Variants in CDH4 observed in about 807,000 individuals in gnomAD.
CDH4 encodes cadherin 4, also known as cadherin-4.
A neutral mutation model predicts 86.0 loss-of-function variants in CDH4; 33 were observed. That is an observed-to-expected ratio of 0.38 (90% confidence interval 0.29 to 0.51). CDH4 has a LOEUF of 0.51. CDH4 is among the 20% of genes least tolerant of loss of function. The probability of loss-of-function intolerance (pLI) is 0.86; values close to 1 mark genes in which losing one functional copy is unlikely to be tolerated. For missense variants in CDH4, 1,114 were observed against 1,307.4 expected, an observed-to-expected ratio of 0.85 and a Z score of 2.28; for synonymous variants, 555 against 549.4, an observed-to-expected ratio of 1.01 and a Z score of -0.14.
chr20:61,626,385 G>A (rs775737881), intron 2 of CDH4, among the ~76,000 whole-genome samples: 1 of 152,166 alleles, frequency 6.6e-6, no homozygotes, highest in Non-Finnish European at 1.5e-5. Context: ...TGGCCTTGAT[G>A]TGGGGGCATT....
intron 2 of CDH4, among the ~76,000 whole-genome samples, chr20:61,406,962 CTGGACCACCATCTGCTCTTCT>C (rs2085087749): frequency 6.8e-6 from 1 of 146,152 alleles, no homozygotes; most frequent in Non-Finnish European, 1.5e-5. Context: ...TCTGCTCTGC[CTGGACCACCATCTGCTCTTCT>C]TGGACCACCA....
intron 2 of CDH4, among the ~76,000 whole-genome samples, chr20:61,379,239 T>G (rs983817409): frequency 6.6e-6 from 1 of 152,082 alleles, no homozygotes; most frequent in African/African-American, 2.4e-5. Context: ...GAGGATGAGA[T>G]ACAGAGGATG....
chr20:61,298,029 AC>A (rs1182935068), intron 2 of CDH4, among the ~76,000 whole-genome samples: 8 of 152,202 alleles, frequency 5.3e-5, no homozygotes, highest in Non-Finnish European at 1.2e-4. Context: ...CCACGCAGGC[AC>A]CCGAGGAAGG....
intron 2 of CDH4, among the ~76,000 whole-genome samples, chr20:61,729,510 C>T (rs759135427): frequency 6.6e-6 from 1 of 152,214 alleles, no homozygotes; most frequent in Non-Finnish European, 1.5e-5. Context: ...AGGCTCAGAG[C>T]CCTTTCACGA....
At chr20:61,693,006 C>G (rs2087676281) in intron 2 of CDH4, among the ~76,000 whole-genome samples, 1 of 152,084 alleles carries the variant, frequency 6.6e-6, no homozygotes, top group Non-Finnish European at 1.5e-5. Context: ...TGAGCTCAGC[C>G]AGCCCCGGGA....
intron 2 of CDH4, among the ~76,000 whole-genome samples, chr20:61,700,811 C>T (rs985004087): frequency 2.0e-5 from 3 of 152,232 alleles, no homozygotes; most frequent in South Asian, 2.1e-4. Flanking sequence ...CCGGGGTTGC[C>T]GGCTCAGCGG....
rs373242966 is a variant in CDH4, at chr20:61,445,418, C to T, written c.169+190481C>T. ...TTCAAAGTGAGTGGCCATAGCACCC[C>T]ATGCCAAGACCAGCCACAGTGAGGG... On this transcript the variant is annotated intron_variant, in intron 2 of 15. Coordinates refer to ENST00000614565, the MANE Select transcript of CDH4 (RefSeq NM_001794.5). Among the ~76,000 whole-genome samples the T allele has an allele frequency of 3.9e-4, 59 of 152,320 alleles. 1 individual carries two copies. In the East Asian group the frequency reaches 0.01, roughly 26 times the overall value.
intron 2 of CDH4, among the ~76,000 whole-genome samples, chr20:61,644,079 G>A (rs899191371): frequency 6.6e-6 from 1 of 152,174 alleles, no homozygotes; most frequent in Non-Finnish European, 1.5e-5. Context: ...CAAGGGTGGG[G>A]ATTCTTGCTA....
intron 2 of CDH4, among the ~76,000 whole-genome samples, chr20:61,439,567 A>G (rs1036970133): frequency 2.0e-5 from 3 of 152,274 alleles, no homozygotes; most frequent in African/African-American, 7.2e-5. Context: ...CATAGGGACT[A>G]GGTTCTGAGA....
intron 2 of CDH4, among the ~76,000 whole-genome samples, chr20:61,384,968 G>A (rs746829325): frequency 4.6e-5 from 7 of 152,128 alleles, no homozygotes; most frequent in African/African-American, 1.2e-4. Context: ...TGAGCTACTC[G>A]TTTGCCATGG....
intron 2 of CDH4, among the ~76,000 whole-genome samples, chr20:61,311,532 A>G (rs2084445646): frequency 6.6e-6 from 1 of 152,242 alleles, no homozygotes; most frequent in African/African-American, 2.4e-5. Flanking sequence ...TTTAGTAAAC[A>G]TAGACAAAAC....
chr20:61,696,371 C>T (rs1368315306), intron 2 of CDH4, among the ~76,000 whole-genome samples: 1 of 152,200 alleles, frequency 6.6e-6, no homozygotes, highest in East Asian at 1.9e-4. Flanking sequence ...AACTGGGAGG[C>T]AGGTGCAGCA....
intron 2 of CDH4, among the ~76,000 whole-genome samples, chr20:61,625,188 T>C (rs951555001): frequency 6.6e-6 from 1 of 152,144 alleles, no homozygotes; most frequent in African/African-American, 2.4e-5. Flanking sequence ...GAGCTGTGCA[T>C]GGACTATCTG....
intron 2 of CDH4, among the ~76,000 whole-genome samples, chr20:61,360,076 A>C (rs1356188175): frequency 2.0e-5 from 3 of 150,616 alleles, no homozygotes; most frequent in Non-Finnish European, 4.4e-5. Context: ...AGAATCACTA[A>C]AATCCAGGGG....
intron 2 of CDH4, among the ~76,000 whole-genome samples, chr20:61,286,882 C>T (rs1035434528): frequency 6.6e-6 from 1 of 152,204 alleles, no homozygotes; most frequent in Non-Finnish European, 1.5e-5. Flanking sequence ...AGTTTAATAT[C>T]AAGTAGGCCA....
chr20:61,286,254 G>A (rs530753573), intron 2 of CDH4, among the ~76,000 whole-genome samples: 1 of 152,366 alleles, frequency 6.6e-6, no homozygotes, highest in African/African-American at 2.4e-5. Flanking sequence ...GGCAGTGCAG[G>A]GTGAGAGCCT....
intron 2 of CDH4, among the ~76,000 whole-genome samples, chr20:61,475,459 C>G (rs1170068456): frequency 4.0e-5 from 2 of 49,942 alleles, no homozygotes; most frequent in Admixed American, 3.0e-4. Context: ...ACCTCCCCCC[C>G]TCTCTCTCCC....
rs764411029 is a variant in CDH4, at chr20:61,936,744, G to A, written c.2552G>A (p.Arg851His). Residue 851 changes from arginine (R) to histidine (H), a missense_variant, in exon 16 of 16, where the codon CGC (arginine) becomes CAC (histidine). Transcript: ENST00000614565. ...DIGDFINEGL[R>H]AADNDPTAPP... The stretch of plus-strand genomic sequence containing the variant: ...TGTGTCTGTGACCCCCAGGGACTCC[G>A]CGCTGCTGACAACGACCCCACGGCA... The A allele has an allele frequency of 1.3e-5, 21 of 1,595,476 alleles. No individual in the cohort carries two copies. Among genetic ancestry groups the A allele is most frequent in the East Asian group, 9.3e-5 (4 of 43,022 alleles).
chr20:61,829,254 G>T lies in CDH4; in HGVS notation c.577-15414G>T, dbSNP rs573982365. ...GCATACTTTGTGTCAATGGAAGGAGGTATTATGTGGGGTTTGTGTCCGGCT... is the reference window on the plus strand; with the variant it reads ...GCATACTTTGTGTCAATGGAAGGAGTTATTATGTGGGGTTTGTGTCCGGCT... On this transcript the variant is annotated intron_variant, in intron 4 of 15. Coordinates refer to ENST00000614565, the MANE Select transcript of CDH4 (RefSeq NM_001794.5). The surrounding 1 kb of genome is among the most constrained non-coding windows in gnomAD (Gnocchi z 4.2). Among the ~76,000 whole-genome samples, 6 of 152,352 alleles carry T rather than the reference G, an allele frequency of 3.9e-5. No individual in the cohort carries two copies. The highest frequency in any genetic ancestry group is 1.4e-4 in the African/African-American group (6 of 41,582).
Sources: gnomAD v4.1 joint callset for allele counts (sites outside exome capture counted in the v4.1 genomes callset) on GRCh38, gnomAD v4.1.1 for gene constraint, Gnocchi (gnomAD v3.1) non-coding constraint, MANE v1.5 for transcripts, NCBI Gene and HGNC (gene_info 2026-07-23, HGNC 2026-07-21) for gene names.